The following FBXL7 variants were observed in gnomAD, a reference collection of about 807,000 sequenced individuals.
FBXL7 encodes F-box/LRR-repeat protein 7.
FBXL7 carries 12 observed loss-of-function variants against 38.3 expected under a neutral mutation model. The ratio of observed to expected loss-of-function variants is 0.31; its 90% CI spans 0.20 to 0.51. FBXL7 has a LOEUF of 0.51. Among genes scored for constraint, FBXL7 ranks in the 20% least tolerant of loss-of-function variants. The probability of loss-of-function intolerance (pLI) is 0.98; values close to 1 mark genes in which losing one functional copy is unlikely to be tolerated. For synonymous variants in FBXL7, 297 were observed against 300.9 expected (o/e 0.99, Z 0.13); for missense variants, 567 against 676.4 (o/e 0.84, Z 1.79).
At chr5:15,546,846 T>C (rs1472966699) in intron 1 of FBXL7, among the ~76,000 whole-genome samples, 2 of 152,160 alleles carry the variant, frequency 1.3e-5, no homozygotes, top group South Asian at 2.1e-4. Flanking sequence ...AGATGGGGCA[T>C]TGAAAATTAA....
chr5:15,894,959 T>G (rs1741048681), intron 2 of FBXL7, among the ~76,000 whole-genome samples: 1 of 152,226 alleles, frequency 6.6e-6, no homozygotes, highest in African/African-American at 2.4e-5. Context: ...CCAAACAGTT[T>G]AATGGTTTTA....
intron 2 of FBXL7, among the ~76,000 whole-genome samples, chr5:15,742,765 T>A (rs1239681627): frequency 1.3e-5 from 2 of 152,190 alleles, no homozygotes; most frequent in Non-Finnish European, 2.9e-5. Flanking sequence ...AATAAAGACA[T>A]ACTCGAGACT....
intron 1 of FBXL7, chr5:15,501,561 G>T: frequency 1.0e-6 from 1 of 985,542 alleles, no homozygotes; most frequent in Non-Finnish European, 1.2e-6. Context: ...AAGAGGAGTG[G>T]AAGAGACCGG....
intron 2 of FBXL7, among the ~76,000 whole-genome samples, chr5:15,621,645 G>A (rs1323940111): frequency 6.6e-6 from 1 of 152,162 alleles, no homozygotes; most frequent in Admixed American, 6.5e-5. Flanking sequence ...CTCTATGGGC[G>A]GGTGGCTCAG....
At chr5:15,767,992 T>TG (rs1579446492) in intron 2 of FBXL7, among the ~76,000 whole-genome samples, 2 of 152,350 alleles carry the variant, frequency 1.3e-5, no homozygotes, top group East Asian at 3.9e-4. Flanking sequence ...AAATTTGTCA[T>TG]GATTTTATCT....
In FBXL7 at chr5:15,729,054, T is replaced by G. The variant is rs114583425; in HGVS notation, c.127+112982T>G. ...GTTTAATGCATTTGTGGATCTAATT[T>G]AATTAAATGAGAAAAGGAACTTCTA... On this transcript the variant is annotated intron_variant, in intron 2 of 3. Transcript: ENST00000504595. 2.2e-3 allele frequency among the ~76,000 whole-genome samples: 335 copies of G among 152,264 alleles called. 3 individuals carry two copies. The highest frequency in any genetic ancestry group is 7.4e-3 in the African/African-American group (309 of 41,580).
chr5:15,862,209 C>A (rs545459322), intron 2 of FBXL7, among the ~76,000 whole-genome samples: 2 of 152,144 alleles, frequency 1.3e-5, no homozygotes, highest in African/African-American at 4.8e-5. Context: ...CCATACTGTT[C>A]TCGTGGTAGT....
At chr5:15,675,496 A>C (rs1008820869) in intron 2 of FBXL7, among the ~76,000 whole-genome samples, 1 of 152,352 alleles carries the variant, frequency 6.6e-6, no homozygotes, top group Middle Eastern at 3.4e-3. Flanking sequence ...CAATGAGCTT[A>C]CATAAGTCTC....
In FBXL7 at chr5:15,550,871, C is replaced by G. The variant is rs576554410; in HGVS notation, c.37+50158C>G. ...TGACTCCACTGGGCCATGGGCCTGC[C>G]CACTCGCCTTATTTCTGACCTCCCC... On this transcript the variant is annotated intron_variant, in intron 1 of 3. Coordinates refer to ENST00000504595, the MANE Select transcript of FBXL7 (RefSeq NM_012304.5). 2.0e-4 allele frequency among the ~76,000 whole-genome samples: 30 copies of G among 152,296 alleles called. No homozygotes were observed. In the South Asian group the frequency reaches 5.6e-3, roughly 28 times the overall value.
At chr5:15,745,690 G>A (rs1266402281) in intron 2 of FBXL7, among the ~76,000 whole-genome samples, 1 of 152,156 alleles carries the variant, frequency 6.6e-6, no homozygotes, top group Non-Finnish European at 1.5e-5. Context: ...TGTGCTTAGG[G>A]TGTTTACAAA....
chr5:15,895,777 G>C (rs1423957393), intron 2 of FBXL7, among the ~76,000 whole-genome samples: 1 of 150,536 alleles, frequency 6.6e-6, no homozygotes, highest in Non-Finnish European at 1.5e-5. Flanking sequence ...CCTAGTAGCT[G>C]GGACTACAGG....
rs772507691 is a variant in FBXL7, at chr5:15,928,906, C to G, written c.739+405C>G. 6.6e-6 allele frequency among the ~76,000 whole-genome samples: 1 copy of G among 152,088 alleles called. No homozygotes were observed. Among genetic ancestry groups the G allele is most frequent in the East Asian group, 1.9e-4 (1 of 5,166 alleles). On this transcript the variant is annotated intron_variant, in intron 3 of 3. Transcript: ENST00000504595. The surrounding 1 kb of genome is among the most constrained non-coding windows in gnomAD (Gnocchi z 4.0). ...TTTTGCCTGGGAGTTGAGGTTAGTA[C>G]GACTTTTAAATGTCTTTACTCTTCA... is the stretch of plus-strand genomic sequence containing the variant.
chr5:15,570,510 C>T (rs1277809486), intron 1 of FBXL7, among the ~76,000 whole-genome samples: 3 of 152,184 alleles, frequency 2.0e-5, no homozygotes, highest in Admixed American at 6.5e-5. Context: ...ATTAGTCTTG[C>T]TGTCTCTTTC....
intron 2 of FBXL7, among the ~76,000 whole-genome samples, chr5:15,718,923 T>A (rs1267602898): frequency 6.6e-6 from 1 of 152,204 alleles, no homozygotes; most frequent in Non-Finnish European, 1.5e-5. Flanking sequence ...CAGACTTTTC[T>A]CCAAGTATGT....
intron 1 of FBXL7, among the ~76,000 whole-genome samples, chr5:15,531,901 TAAAG>T (rs1453244848): frequency 1.3e-5 from 2 of 152,222 alleles, no homozygotes; most frequent in Non-Finnish European, 2.9e-5. Flanking sequence ...GGTTTATGCT[TAAAG>T]AAACCCTTTG....
intron 3 of FBXL7, among the ~76,000 whole-genome samples, chr5:15,929,368 C>T (rs1219271274): frequency 1.3e-5 from 2 of 152,174 alleles, no homozygotes; most frequent in African/African-American, 4.8e-5. Flanking sequence ...GCCTGTAATC[C>T]CAGCACTTGG....
chr5:15,636,619 C>T (rs1201568510), intron 2 of FBXL7, among the ~76,000 whole-genome samples: 1 of 149,922 alleles, frequency 6.7e-6, no homozygotes, highest in African/African-American at 2.5e-5. Context: ...TGAGCCTGTT[C>T]TTTTACCTGA....
chr5:15,631,740 C>T (rs1741006004), intron 2 of FBXL7, among the ~76,000 whole-genome samples: 1 of 142,392 alleles, frequency 7.0e-6, no homozygotes, highest in Admixed American at 7.1e-5. Flanking sequence ...AAAGAGAGTT[C>T]AGAGGTAGAC....
In FBXL7 at chr5:15,936,835, C is replaced by T. The variant is rs1342180708; in HGVS notation, c.1125C>T (p.Cys375=). 6.2e-7 allele frequency: 1 copy of T among 1,613,536 alleles called. No homozygotes were observed. The highest frequency in any genetic ancestry group is 8.5e-7 in the Non-Finnish European group (1 of 1,179,722). ...DVGIRYVAKY[C]SKLRYLNARG... is the part of the protein sequence containing the mutation. ...GCATCCGCTACGTGGCCAAGTACTG[C>T]AGCAAGCTGCGCTACCTCAACGCGA... Residue 375 remains cysteine, a synonymous_variant, in exon 4 of 4, where the codon TGC becomes TGT. Transcript: ENST00000504595. The surrounding 1 kb of genome is among the most constrained non-coding windows in gnomAD (Gnocchi z 6.0).
Sources: gnomAD v4.1 joint callset for allele counts (sites outside exome capture counted in the v4.1 genomes callset) on GRCh38, gnomAD v4.1.1 for gene constraint, Gnocchi (gnomAD v3.1) non-coding constraint, MANE v1.5 for transcripts, NCBI Gene and HGNC (gene_info 2026-07-23, HGNC 2026-07-21) for gene names.